HID1: variants seen among roughly 807,000 people sequenced by gnomAD.
The protein encoded by HID1 is protein HID1.
In HID1, 42 loss-of-function variants were observed where a neutral mutation model predicts 89.7. That is an observed-to-expected ratio of 0.47 (90% CI 0.37 to 0.61). HID1 has a LOEUF of 0.61. Among genes scored for constraint, HID1 ranks in the 20% least tolerant of loss-of-function variants. The pLI is 0.00. For missense variants in HID1, 854 were observed against 1,039.3 expected, an observed-to-expected ratio of 0.82 and a Z score of 2.45; for synonymous variants, 442 against 433.8, an observed-to-expected ratio of 1.02 and a Z score of -0.24.
intron 1 of HID1, among the ~76,000 whole-genome samples, chr17:74,969,916 T>C (rs2039619563): frequency 1.3e-5 from 1 of 79,870 alleles, no homozygotes. Flanking sequence ...CAGATTTTTC[T>C]TTTTTCTTTT....
In HID1 at chr17:74,951,620, G is replaced by T; in HGVS notation, c.2317C>A (p.Pro773Thr). The T allele has an allele frequency of 1.9e-6, 3 of 1,612,790 alleles. No homozygotes were observed. Among genetic ancestry groups the T allele is most frequent in the Non-Finnish European group, 2.5e-6 (3 of 1,179,546 alleles). ...TTCACGTCGGTGTCGTACCAGACAGGGGGGTCCACATTCCTGTGGAGGAAA... is the reference window on the plus strand; with the variant it reads ...TTCACGTCGGTGTCGTACCAGACAGTGGGGTCCACATTCCTGTGGAGGAAA... The part of the protein sequence containing the change: ...GVIYLRNVDP[P>T]VWYDTDVKLF... Residue 773 changes from proline to threonine, a missense_variant, in exon 19 of 19, where the codon CCT (proline) becomes ACT (threonine). Physicochemically the swap from Pro to Thr is conservative, Grantham distance 38 (BLOSUM62 -1). Transcript: ENST00000425042.
At chr17:74,966,516 C>T (rs1232908370) in intron 1 of HID1, among the ~76,000 whole-genome samples, 1 of 152,094 alleles carries the variant, frequency 6.6e-6, no homozygotes, top group Non-Finnish European at 1.5e-5. Context: ...TGCAAGACAC[C>T]TTCCTGCTTT....
intron 1 of HID1, among the ~76,000 whole-genome samples, chr17:74,966,456 C>G (rs373198004): frequency 6.6e-6 from 1 of 151,920 alleles, no homozygotes; most frequent in East Asian, 1.9e-4. Context: ...CCAAGGCACG[C>G]GCACCTCCTC....
At position 74,960,062 on chromosome 17, in the gene HID1, G is replaced by A. The variant is rs146042955; in HGVS notation, c.915C>T (p.Asp305=). 412 of 1,613,624 alleles carry A rather than the reference G, an allele frequency of 2.6e-4. No homozygotes were observed. Among genetic ancestry groups the A allele is most frequent in the African/African-American group, 3.2e-4 (24 of 75,050 alleles). ...DSASSASPTV[D]GTTTGTAMDD... ...CCATGGCGGTGCCAGTGGTGGTGCC[G>A]TCCACAGTGGGGCTGGCACTGCTGG... The change falls in exon 7 of 19, where the codon GAC becomes GAT. Residue 305 remains aspartate (D), a synonymous_variant. Transcript: ENST00000425042.
At chr17:74,966,708 G>C (rs1252268380) in intron 1 of HID1, among the ~76,000 whole-genome samples, 1 of 152,112 alleles carries the variant, frequency 6.6e-6, no homozygotes, top group Non-Finnish European at 1.5e-5. Flanking sequence ...CCAGCACTTT[G>C]GGAGGCCAAG....
rs1312426026 is a variant in HID1, at chr17:74,959,995, G to A, written c.951+31C>T. 1 of 1,613,296 alleles carries A rather than the reference G, an allele frequency of 6.2e-7. No individual in the cohort carries two copies. ...GTCCTCCCCACAACCCGTGGCCCCGGCAGCTGTCCCTTCCATGCTCCCATC... is the reference window on the plus strand; with the variant it reads ...GTCCTCCCCACAACCCGTGGCCCCGACAGCTGTCCCTTCCATGCTCCCATC... On this transcript the variant is annotated intron_variant, in intron 7 of 18. Coordinates refer to ENST00000425042, the MANE Select transcript of HID1 (RefSeq NM_030630.3). The surrounding 1 kb of genome is among the most constrained non-coding windows in gnomAD (Gnocchi z 4.6).
intron 6 of HID1, among the ~76,000 whole-genome samples, chr17:74,960,937 C>T (rs1211761182): frequency 6.7e-6 from 1 of 149,926 alleles, no homozygotes; most frequent in Non-Finnish European, 1.5e-5. Flanking sequence ...ACGTGTGACA[C>T]CCTCCCCCCA....
At chr17:74,960,461 T>C (rs1170227804) in intron 6 of HID1, among the ~76,000 whole-genome samples, 2 of 152,186 alleles carry the variant, frequency 1.3e-5, no homozygotes, top group Non-Finnish European at 2.9e-5. Context: ...ATACCCTCCC[T>C]TGGGTCCTCA....
chr17:74,951,947 G>A lies in HID1; in HGVS notation c.2261C>T (p.Ala754Val). The A allele has an allele frequency of 6.4e-7, 1 of 1,559,114 alleles. No homozygotes were observed. The highest frequency in any genetic ancestry group is 1.2e-5 in the South Asian group (1 of 83,202). ...IRKYQANSGT[A>V]MWFRTYMWGV... ...CCACATGTAGGTGCGGAACCACATGGCAGTGCCCGAGTTGGCCTGGTACTT... is the reference window on the plus strand; with the variant it reads ...CCACATGTAGGTGCGGAACCACATGACAGTGCCCGAGTTGGCCTGGTACTT... The change falls in exon 18 of 19, where the codon GCC becomes GTC. Residue 754 changes from alanine (A) to valine (V), a missense_variant. Transcript: ENST00000425042.
intron 6 of HID1, among the ~76,000 whole-genome samples, chr17:74,961,115 T>C (rs2039473458): frequency 6.6e-6 from 1 of 152,174 alleles, no homozygotes; most frequent in African/African-American, 2.4e-5. Context: ...ATGTGGCTGA[T>C]CGGAACCAAG....
rs2039382186 is a variant in HID1, at chr17:74,955,871, G to C, written c.1557C>G (p.Leu519=). 6.2e-7 allele frequency: 1 copy of C among 1,614,182 alleles called. No homozygotes were observed. Among genetic ancestry groups the C allele is most frequent in the East Asian group, 2.2e-5 (1 of 44,890 alleles). The change falls in exon 13 of 19, where the codon CTC becomes CTG. Residue 519 remains leucine (L), a synonymous_variant. Coordinates refer to ENST00000425042, the MANE Select transcript of HID1 (RefSeq NM_030630.3). ...GGTGGTGGTTCTGGGCGGCAGAGAAGAGGAACCAGGTGGTGGAGAAGGCCT... is the reference window on the plus strand; with the variant it reads ...GGTGGTGGTTCTGGGCGGCAGAGAACAGGAACCAGGTGGTGGAGAAGGCCT... ...LLEAFSTTWF[L]FSAAQNHHLV... is the part of the protein sequence containing the mutation.
chr17:74,956,680 A>G (rs2039395579), intron 12 of HID1, among the ~76,000 whole-genome samples: 1 of 152,200 alleles, frequency 6.6e-6, no homozygotes, highest in Non-Finnish European at 1.5e-5. Context: ...CCCACCCTGC[A>G]GTCTAAACCA....
At position 74,962,013 on chromosome 17, in the gene HID1, A is replaced by G; in HGVS notation, c.612-24T>C. 6.7e-7 allele frequency: 1 copy of G among 1,502,376 alleles called. No homozygotes were observed. Among genetic ancestry groups the G allele is most frequent in the Non-Finnish European group, 9.0e-7 (1 of 1,112,382 alleles). 93.1% of individuals were successfully genotyped at this position (1,502,376 alleles called of 1,614,324 possible). ...TCCTTGTAGGAGGAAGGGGGAGGGCACCTTAGGATCCCAGTCCCCTCTTGG... is the reference window on the plus strand; with the variant it reads ...TCCTTGTAGGAGGAAGGGGGAGGGCGCCTTAGGATCCCAGTCCCCTCTTGG... On this transcript the variant is annotated intron_variant, in intron 5 of 18. Coordinates refer to ENST00000425042, the MANE Select transcript of HID1 (RefSeq NM_030630.3). This position sits in a 1 kb window ranked among gnomAD's most constrained non-coding sequence, Gnocchi z 4.3.
chr17:74,964,665 A>G, intron 1 of HID1, 33 bp from the exon 2 acceptor site: 3 of 1,596,206 alleles, frequency 1.9e-6, no homozygotes, highest in Non-Finnish European at 2.6e-6. Context: ...GAGTTACACA[A>G]CTCCTGGCCA....
intron 12 of HID1, 144 bp downstream of exon 12, chr17:74,957,997 T>A: frequency 1.6e-6 from 1 of 637,044 alleles, no homozygotes; most frequent in South Asian, 1.9e-5. Flanking sequence ...CCTTTTTTTT[T>A]AATGTGGCTA....
Position 74,963,979 on chromosome 17 carries a change from G to A in HID1, c.217-69C>T. 5 of 1,559,190 alleles carry A rather than the reference G, an allele frequency of 3.2e-6. No individual in the cohort carries two copies. The South Asian group carries it at 3.4e-5, about 11-fold the overall frequency. On this transcript the variant is annotated intron_variant, in intron 2 of 18. Coordinates refer to ENST00000425042, the MANE Select transcript of HID1 (RefSeq NM_030630.3). ...AAAGGACCCTGGCACTTGGGGTCAGGGTGGGCACCCAGGCTGCAGAGGAGG... is the reference window on the plus strand; with the variant it reads ...AAAGGACCCTGGCACTTGGGGTCAGAGTGGGCACCCAGGCTGCAGAGGAGG...
At chr17:74,965,475 C>T (rs1424650798) in intron 1 of HID1, among the ~76,000 whole-genome samples, 1 of 152,234 alleles carries the variant, frequency 6.6e-6, no homozygotes, top group African/African-American at 2.4e-5. Flanking sequence ...ACGTGTCATA[C>T]ACACATACAC....
Position 74,961,302 on chromosome 17 carries a change from C to T in HID1, c.728+571G>A, listed in dbSNP as rs143114793. On this transcript the variant is annotated intron_variant, in intron 6 of 18. Coordinates refer to ENST00000425042, the MANE Select transcript of HID1 (RefSeq NM_030630.3). ...TTTTTTTTGGAAACAGAGTCTCACT[C>T]TGTCACCCAGGCTGGAGCGCAGTGG... is the stretch of plus-strand genomic sequence containing the variant. Among the ~76,000 whole-genome samples, 338 of 151,854 alleles carry T rather than the reference C, an allele frequency of 2.2e-3. 2 individuals are homozygous for T. Among genetic ancestry groups the T allele is most frequent in the African/African-American group, 7.8e-3 (322 of 41,386 alleles).
chr17:74,954,678 G>A, intron 13 of HID1: 1 of 429,684 alleles, frequency 2.3e-6, no homozygotes, highest in East Asian at 5.2e-5. Flanking sequence ...CAGCATGGCA[G>A]CATCCACGTC....
Sources: gnomAD v4.1 joint callset for allele counts (sites outside exome capture counted in the v4.1 genomes callset) on GRCh38, gnomAD v4.1.1 for gene constraint, Gnocchi (gnomAD v3.1) non-coding constraint, MANE v1.5 for transcripts, NCBI Gene and HGNC (gene_info 2026-07-23, HGNC 2026-07-21) for gene names.